The following MICU1 variants were observed in gnomAD, a reference collection of about 807,000 sequenced individuals.
The protein encoded by MICU1 is calcium uptake protein 1, mitochondrial.
A neutral mutation model predicts 56.8 loss-of-function variants in MICU1; 45 were observed. The observed-to-expected ratio is 0.79, with a 90% CI of 0.62 to 1.02. MICU1 has a LOEUF of 1.02. MICU1 is among the 50% of genes least tolerant of loss of function. The probability of loss-of-function intolerance (pLI) is 0.00; values close to 1 mark genes in which losing one functional copy is unlikely to be tolerated. For synonymous variants in MICU1, 186 were observed against 195.1 expected (o/e 0.95, Z 0.39); for missense variants, 504 against 587.1 (o/e 0.86, Z 1.46).
intron 1 of MICU1, among the ~76,000 whole-genome samples, chr10:72,599,442 C>G (rs1228891510): frequency 6.6e-6 from 1 of 152,094 alleles, no homozygotes; most frequent in African/African-American, 2.4e-5. Context: ...CAACTCCATC[C>G]CACCTGGAAC....
chr10:72,391,933 T>G (rs908408055), intron 10 of MICU1: 4 of 152,122 alleles, frequency 2.6e-5, no homozygotes, highest in Non-Finnish European at 5.9e-5. Flanking sequence ...AAACAGCTAA[T>G]CCCTCACTGT....
chr10:72,477,625 G>A, intron 6 of MICU1: 1 of 1,283,966 alleles, frequency 7.8e-7, no homozygotes, highest in East Asian at 2.5e-5. Context: ...AGTATGTCTA[G>A]GGTGAGACAT....
At chr10:72,420,185 G>A (rs1254572121) in intron 9 of MICU1, among the ~76,000 whole-genome samples, 1 of 152,038 alleles carries the variant, frequency 6.6e-6, no homozygotes, top group Non-Finnish European at 1.5e-5. Context: ...TCAGCCTCCT[G>A]AGTAGCTAGG....
intron 8 of MICU1, among the ~76,000 whole-genome samples, chr10:72,434,874 A>G (rs1419625817): frequency 6.6e-6 from 1 of 152,162 alleles, no homozygotes; most frequent in Non-Finnish European, 1.5e-5. Flanking sequence ...AGAGAGTTGG[A>G]AATTTAGCTT....
chr10:72,383,258 A>AC (rs1862779025), intron 10 of MICU1, among the ~76,000 whole-genome samples: 1 of 151,916 alleles, frequency 6.6e-6, no homozygotes, highest in Non-Finnish European at 1.5e-5. Context: ...AAAAAAAAAA[A>AC]AAAAGATGTT....
At chr10:72,399,539 G>A (rs958112561) in intron 10 of MICU1, among the ~76,000 whole-genome samples, 9 of 152,162 alleles carry the variant, frequency 5.9e-5, no homozygotes, top group Non-Finnish European at 1.2e-4. Flanking sequence ...CCAGCTACTT[G>A]GGGAGCTGAG....
intron 9 of MICU1, among the ~76,000 whole-genome samples, chr10:72,415,206 T>A (rs1177972119): frequency 6.6e-6 from 1 of 152,048 alleles, no homozygotes; most frequent in African/African-American, 2.4e-5. Flanking sequence ...TGTAGAGATG[T>A]GCTTTCGCCA....
chr10:72,516,843 A>G (rs563364458), intron 5 of MICU1, among the ~76,000 whole-genome samples: 4 of 152,140 alleles, frequency 2.6e-5, no homozygotes, highest in African/African-American at 9.7e-5. Context: ...AAAGGTCTAC[A>G]TTGTTCTTCC....
intron 1 of MICU1, among the ~76,000 whole-genome samples, chr10:72,581,738 T>G (rs776177354): frequency 6.6e-6 from 1 of 152,212 alleles, no homozygotes; most frequent in East Asian, 1.9e-4. Context: ...CAGCCACCCA[T>G]TGACCAGTAA....
At chr10:72,527,823 A>T (rs1169270266) in intron 5 of MICU1, among the ~76,000 whole-genome samples, 1 of 152,122 alleles carries the variant, frequency 6.6e-6, no homozygotes, top group Non-Finnish European at 1.5e-5. Context: ...TCATTTAGAA[A>T]TTTCACTTTT....
chr10:72,431,695 A>G lies in MICU1; in HGVS notation c.934-8324T>C, dbSNP rs535432327. 1.1e-4 allele frequency among the ~76,000 whole-genome samples: 16 copies of G among 152,308 alleles called. 1 individual carries two copies. In the South Asian group the frequency reaches 2.5e-3, roughly 24 times the overall value. On this transcript the variant is annotated intron_variant, in intron 8 of 11. Coordinates refer to ENST00000361114, the MANE Select transcript of MICU1 (RefSeq NM_001195518.2). ...CCCACTGCTTTGCATCACCACCAGC[A>G]CTTGGTATTGTCAGTTTTTATTTTT...
intron 9 of MICU1, among the ~76,000 whole-genome samples, chr10:72,421,408 G>C (rs1164365784): frequency 6.6e-6 from 1 of 152,208 alleles, no homozygotes; most frequent in East Asian, 1.9e-4. Flanking sequence ...CTGAGTAGCT[G>C]AGATTATAGG....
chr10:72,491,646 C>T (rs749045918), intron 6 of MICU1, among the ~76,000 whole-genome samples: 35 of 152,026 alleles, frequency 2.3e-4, no homozygotes, highest in Non-Finnish European at 4.4e-4. Flanking sequence ...GCCCGGAGTT[C>T]GAGAGTTAAT....
chr10:72,538,345 G>GTA (rs1459870136), intron 4 of MICU1, among the ~76,000 whole-genome samples: 2 of 151,966 alleles, frequency 1.3e-5, no homozygotes, highest in Non-Finnish European at 2.9e-5. Flanking sequence ...AATGAACAGA[G>GTA]ACTATAAACA....
At chr10:72,583,518 T>C (rs952384445) in intron 1 of MICU1, among the ~76,000 whole-genome samples, 8 of 152,118 alleles carry the variant, frequency 5.3e-5, no homozygotes, top group Non-Finnish European at 1.2e-4. Context: ...TGACCTCAGG[T>C]GATCCCCCTG....
intron 1 of MICU1, among the ~76,000 whole-genome samples, chr10:72,600,607 C>T (rs1244916284): frequency 1.4e-5 from 2 of 147,816 alleles, no homozygotes; most frequent in African/African-American, 5.1e-5. Flanking sequence ...CAAGATCATG[C>T]CATTGCACTC....
intron 4 of MICU1, among the ~76,000 whole-genome samples, chr10:72,544,426 G>A (rs1839850725): frequency 6.6e-6 from 1 of 152,086 alleles, no homozygotes; most frequent in African/African-American, 2.4e-5. Flanking sequence ...TATGATCTGT[G>A]TTTCCCTCTT....
intron 5 of MICU1, chr10:72,528,792 A>C (rs544592386): frequency 4.8e-6 from 1 of 208,720 alleles, no homozygotes; most frequent in Admixed American, 5.0e-5. Flanking sequence ...AATAAAGTAA[A>C]TAATTAGAAC....
At chr10:72,384,544 T>C (rs1004083866) in intron 10 of MICU1, among the ~76,000 whole-genome samples, 4 of 152,210 alleles carry the variant, frequency 2.6e-5, no homozygotes, top group Non-Finnish European at 5.9e-5. Flanking sequence ...ATGTAATTCA[T>C]GATGGTAATC....
Sources: gnomAD v4.1 joint callset for allele counts (sites outside exome capture counted in the v4.1 genomes callset) on GRCh38, gnomAD v4.1.1 for gene constraint, MANE v1.5 for transcripts, NCBI Gene and HGNC (gene_info 2026-07-23, HGNC 2026-07-21) for gene names.